Variants in CSMD1 observed in about 807,000 individuals in gnomAD.
The protein encoded by CSMD1 is CUB and sushi domain-containing protein 1.
CSMD1 carries 213 observed loss-of-function variants against 417.5 expected under a neutral mutation model. The ratio of observed to expected loss-of-function variants is 0.51; its 90% CI spans 0.46 to 0.57. CSMD1 has a LOEUF of 0.57. CSMD1 is among the 20% of genes least tolerant of loss of function. The pLI, the probability that CSMD1 is intolerant of heterozygous loss-of-function variation, is 0.00. For missense variants in CSMD1, 6,923 were observed against 4,529.7 expected (o/e 1.53, Z -15.17); for synonymous variants, 2,862 against 1,736.8 (o/e 1.65, Z -16.11).
intron 1 of CSMD1, among the ~76,000 whole-genome samples, chr8:4,887,730 C>T (rs1346952485): frequency 6.6e-6 from 1 of 151,654 alleles, no homozygotes; most frequent in Admixed American, 6.6e-5. Context: ...TATATATTTA[C>T]ATTTGTTATA....
At chr8:3,388,442 C>T (rs966823265) in intron 17 of CSMD1, among the ~76,000 whole-genome samples, 4 of 151,944 alleles carry the variant, frequency 2.6e-5, no homozygotes, top group South Asian at 2.1e-4. Flanking sequence ...TTTACATATG[C>T]GAAGAAATAA....
chr8:4,224,621 C>A (rs1801235146), intron 3 of CSMD1, among the ~76,000 whole-genome samples: 1 of 152,198 alleles, frequency 6.6e-6, no homozygotes, highest in Non-Finnish European at 1.5e-5. Context: ...TGACTTCAGA[C>A]TGAATTTTCA....
chr8:3,957,107 C>T (rs1473652417), intron 5 of CSMD1, among the ~76,000 whole-genome samples: 1 of 143,320 alleles, frequency 7.0e-6, no homozygotes, highest in Non-Finnish European at 1.5e-5. Flanking sequence ...AAACTATTTC[C>T]TCACGTTCCT....
intron 1 of CSMD1, among the ~76,000 whole-genome samples, chr8:4,753,919 A>G (rs1811503924): frequency 6.6e-6 from 1 of 152,238 alleles, no homozygotes; most frequent in South Asian, 2.1e-4. Flanking sequence ...ATCTGTTACC[A>G]GCACATGCGA....
At chr8:4,904,247 T>C (rs1805089136) in intron 1 of CSMD1, among the ~76,000 whole-genome samples, 1 of 152,182 alleles carries the variant, frequency 6.6e-6, no homozygotes, top group Non-Finnish European at 1.5e-5. Flanking sequence ...CTCCAATTCC[T>C]CATTATTCCT....
intron 5 of CSMD1, among the ~76,000 whole-genome samples, chr8:3,978,946 G>C (rs1041004218): frequency 5.9e-5 from 9 of 152,158 alleles, no homozygotes; most frequent in African/African-American, 2.2e-4. Context: ...GCCAGCCACA[G>C]GTTCCACTGT....
At chr8:3,274,913 A>ATT (rs1416090017) in intron 26 of CSMD1, among the ~76,000 whole-genome samples, 1 of 152,124 alleles carries the variant, frequency 6.6e-6, no homozygotes, top group Non-Finnish European at 1.5e-5. Flanking sequence ...TAATTGGTGC[A>ATT]TTTAGTCCAT....
intron 2 of CSMD1, among the ~76,000 whole-genome samples, chr8:4,547,666 T>C (rs996593588): frequency 6.6e-6 from 1 of 152,206 alleles, no homozygotes; most frequent in Admixed American, 6.5e-5. Flanking sequence ...AAACGAATGA[T>C]TGAGTTCTGT....
At chr8:3,956,827 G>C (rs527577208) in intron 5 of CSMD1, among the ~76,000 whole-genome samples, 1 of 152,196 alleles carries the variant, frequency 6.6e-6, no homozygotes, top group Non-Finnish European at 1.5e-5. Flanking sequence ...ACGGAAGGAA[G>C]AGAGAATGTT....
chr8:3,907,861 G>C (rs1808214591), intron 5 of CSMD1, among the ~76,000 whole-genome samples: 1 of 152,162 alleles, frequency 6.6e-6, no homozygotes. Flanking sequence ...CTGCGGTCCA[G>C]GCAAATAACT....
chr8:4,130,834 G>A (rs1283371722), intron 3 of CSMD1, among the ~76,000 whole-genome samples: 1 of 151,244 alleles, frequency 6.6e-6, no homozygotes, highest in East Asian at 1.9e-4. Context: ...TGTACTATGT[G>A]CTATATTATA....
chr8:4,147,500 C>T (rs1278580173), intron 3 of CSMD1, among the ~76,000 whole-genome samples: 3 of 152,184 alleles, frequency 2.0e-5, no homozygotes, highest in Non-Finnish European at 4.4e-5. Context: ...CCACCACAAT[C>T]TGTTCCTGTC....
At position 2,938,757 on chromosome 8, in the gene CSMD1, G is replaced by A. The variant is rs1261234589; in HGVS notation, c.10536-13C>T. 1 of 1,588,206 alleles carries A rather than the reference G, an allele frequency of 6.3e-7. No homozygotes were observed. The highest frequency in any genetic ancestry group is 1.1e-5 in the South Asian group (1 of 87,458). ...TTTTGGTCTCGTTCTAAGGAAAACA[G>A]AAAACAAATCATTAGAATCCTGGTT... On this transcript the variant is annotated splice_polypyrimidine_tract_variant and intron_variant, in intron 69 of 69. Transcript: ENST00000635120.
At chr8:4,410,635 A>G (rs1010780222) in intron 3 of CSMD1, among the ~76,000 whole-genome samples, 3 of 152,242 alleles carry the variant, frequency 2.0e-5, no homozygotes, top group African/African-American at 7.2e-5. Context: ...TGTAATGTAT[A>G]TGCATGTAAA....
rs188359568 is a variant in CSMD1 at position 4,287,772 on chromosome 8, G to C, written c.415+132181C>G. 1.4e-4 allele frequency among the ~76,000 whole-genome samples: 22 copies of C among 151,996 alleles called. No homozygotes were observed. In the East Asian group the frequency reaches 3.9e-3, roughly 27 times the overall value. On this transcript the variant is annotated intron_variant, in intron 3 of 69. Transcript: ENST00000635120. ...CCACTGAAAGTGGACCCGGTCGGTTGAGCGAGTTGGACTCATACTATCTCT... is the reference window on the plus strand; with the variant it reads ...CCACTGAAAGTGGACCCGGTCGGTTCAGCGAGTTGGACTCATACTATCTCT...
intron 49 of CSMD1, among the ~76,000 whole-genome samples, chr8:3,086,062 C>T (rs762608678): frequency 6.6e-6 from 1 of 152,078 alleles, no homozygotes; most frequent in African/African-American, 2.4e-5. Flanking sequence ...CAGACCATGG[C>T]GTGTTCTCTG....
At chr8:4,533,137 G>A (rs1011037893) in intron 2 of CSMD1, among the ~76,000 whole-genome samples, 1 of 152,138 alleles carries the variant, frequency 6.6e-6, no homozygotes, top group African/African-American at 2.4e-5. Context: ...TTTTGTGACT[G>A]GGCTTCTTTC....
At chr8:3,621,091 T>A (rs1050289431) in intron 7 of CSMD1, among the ~76,000 whole-genome samples, 1 of 152,144 alleles carries the variant, frequency 6.6e-6, no homozygotes, top group Admixed American at 6.6e-5. Flanking sequence ...AAGAGAGTCA[T>A]CCACAAGACA....
chr8:3,026,482 G>C (rs1345739586), intron 51 of CSMD1, among the ~76,000 whole-genome samples: 1 of 151,456 alleles, frequency 6.6e-6, no homozygotes, highest in Non-Finnish European at 1.5e-5. Context: ...GGACCTCACT[G>C]GGCTTGACTG....
Sources: gnomAD v4.1 joint callset for allele counts (sites outside exome capture counted in the v4.1 genomes callset) on GRCh38, gnomAD v4.1.1 for gene constraint, MANE v1.5 for transcripts, NCBI Gene and HGNC (gene_info 2026-07-23, HGNC 2026-07-21) for gene names.